TNRC6B: variants seen among roughly 807,000 people sequenced by gnomAD.
TNRC6B encodes trinucleotide repeat-containing gene 6B protein.
Under a neutral mutation model 203.6 loss-of-function variants are expected in TNRC6B, and 52 were observed. The observed-to-expected ratio is 0.26, with a 90% CI of 0.20 to 0.32. The LOEUF (loss-of-function observed/expected upper bound fraction) is 0.32, where lower values mean the gene tolerates loss of function less well. Ranked by LOEUF, TNRC6B falls within the 10% of genes least tolerant of loss-of-function variation. TNRC6B has a pLI of 1.00. For missense variants in TNRC6B, 1,923 were observed against 2,286.2 expected, an observed-to-expected ratio of 0.84 and a Z score of 3.24; for synonymous variants, 838 against 845.7, an observed-to-expected ratio of 0.99 and a Z score of 0.16.
At position 40,260,308 on chromosome 22, in the gene TNRC6B, A is replaced by T. The variant is rs139136446; in HGVS notation, c.116-1524A>T. 1.1e-4 allele frequency among the ~76,000 whole-genome samples: 17 copies of T among 152,188 alleles called. No individual in the cohort carries two copies. The East Asian group carries it at 3.3e-3, about 29-fold the overall frequency. On this transcript the variant is annotated intron_variant, in intron 3 of 22. Transcript: ENST00000454349. ...CAGGTAGCTGTAGAAACCAGAACCAAGCTGAGTTTGTGATTTTCTAGGCCT... is the reference window on the plus strand; with the variant it reads ...CAGGTAGCTGTAGAAACCAGAACCATGCTGAGTTTGTGATTTTCTAGGCCT...
rs1218031533 is a variant in TNRC6B at position 40,303,021 on chromosome 22, CCTT to C, written c.4120+1713_4120+1715del. Among the ~76,000 whole-genome samples, 972 of 140,384 alleles carry C rather than the reference CCTT, an allele frequency of 6.9e-3. 2 individuals carry two copies. Among genetic ancestry groups the C allele is most frequent in the Non-Finnish European group, 0.011 (683 of 64,242 alleles). 92.1% of individuals were successfully genotyped at this position (140,384 alleles called of 152,430 possible). On this transcript the variant is annotated intron_variant, in intron 15 of 22. Transcript: ENST00000454349. The stretch of plus-strand genomic sequence containing the variant: ...ACAAAGGTGTCCTTATGCTGTATTT[CCTT>C]CTTCTTCTTCTTCTTCTTCTTCTTT...
chr22:40,245,400 T>G (rs949237410), intron 1 of TNRC6B, among the ~76,000 whole-genome samples: 1 of 152,078 alleles, frequency 6.6e-6, no homozygotes, highest in Admixed American at 6.6e-5. Flanking sequence ...CTGGAATACA[T>G]TGATTTATAG....
At chr22:40,223,218 G>A (rs1376672400) in intron 1 of TNRC6B, among the ~76,000 whole-genome samples, 1 of 151,622 alleles carries the variant, frequency 6.6e-6, no homozygotes, top group Non-Finnish European at 1.5e-5. Flanking sequence ...TCGACTCACC[G>A]CAAACTCTGC....
intron 12 of TNRC6B, among the ~76,000 whole-genome samples, chr22:40,292,066 C>T (rs2070875497): frequency 6.6e-6 from 1 of 152,126 alleles, no homozygotes; most frequent in Non-Finnish European, 1.5e-5. Context: ...TGGTGGCAGG[C>T]GTCTGTAGTC....
At chr22:40,205,065 A>AT (rs2069462533) in intron 1 of TNRC6B, among the ~76,000 whole-genome samples, 1 of 152,202 alleles carries the variant, frequency 6.6e-6, no homozygotes, top group South Asian at 2.1e-4. Context: ...AATTTTCACA[A>AT]TGATAATCTC....
chr22:40,086,803 C>T (rs1192168910), intron 1 of TNRC6B, among the ~76,000 whole-genome samples: 1 of 152,290 alleles, frequency 6.6e-6, no homozygotes, highest in East Asian at 1.9e-4. Flanking sequence ...AGCCTTAACT[C>T]CCCTTTAAAA....
At chr22:40,092,230 C>T (rs937180328) in intron 1 of TNRC6B, among the ~76,000 whole-genome samples, 2 of 151,892 alleles carry the variant, frequency 1.3e-5, no homozygotes, top group African/African-American at 4.8e-5. Context: ...TGGAGAAACC[C>T]CATCTCTACT....
intron 21 of TNRC6B, among the ~76,000 whole-genome samples, chr22:40,318,608 A>G (rs541694634): frequency 5.1e-4 from 78 of 152,294 alleles, no homozygotes; most frequent in African/African-American, 1.9e-3. Flanking sequence ...GTTGACTGAA[A>G]TATGAAGAAT....
At chr22:40,229,087 T>A (rs951434843) in intron 1 of TNRC6B, among the ~76,000 whole-genome samples, 1 of 152,202 alleles carries the variant, frequency 6.6e-6, no homozygotes, top group South Asian at 2.1e-4. Context: ...AATTGCCTTA[T>A]AAACACATAA....
intron 12 of TNRC6B, among the ~76,000 whole-genome samples, chr22:40,294,446 G>A (rs1327030185): frequency 6.6e-6 from 1 of 152,110 alleles, no homozygotes; most frequent in African/African-American, 2.4e-5. Flanking sequence ...ACCAGTTAAT[G>A]GATTAGGGCC....
intron 4 of TNRC6B, among the ~76,000 whole-genome samples, chr22:40,171,916 A>G (rs553222893): frequency 6.6e-6 from 1 of 152,176 alleles, no homozygotes; most frequent in East Asian, 1.9e-4. Flanking sequence ...GCTGGAGTGC[A>G]GTAGCACCAT....
rs369248210 is a variant in TNRC6B, at chr22:40,102,236, C to T, written c.-120-14819C>T. Reference sequence around the variant, plus strand: ...AAAAACAAGGAGGGAGATATTGTGCCAGATACTCATGTTTGCAATTATAAA... The same window carrying T: ...AAAAACAAGGAGGGAGATATTGTGCTAGATACTCATGTTTGCAATTATAAA... On this transcript the variant is annotated intron_variant, in intron 1 of 23. Transcript: ENST00000301923. Among the ~76,000 whole-genome samples, 18 of 152,134 alleles carry T rather than the reference C, an allele frequency of 1.2e-4. 2 individuals are homozygous for T. Among genetic ancestry groups the T allele is most frequent in the Admixed American group, 9.8e-4 (15 of 15,278 alleles).
intron 7 of TNRC6B, 50 bp downstream of exon 7, chr22:40,273,650 G>C (rs756959751): frequency 1.0e-5 from 15 of 1,486,754 alleles, no homozygotes; most frequent in Non-Finnish European, 1.2e-5. Flanking sequence ...TGAGAAGGCA[G>C]AACTGAGGTT....
chr22:40,125,721 A>AT (rs1330243065), intron 2 of TNRC6B: 3 of 1,430,682 alleles, frequency 2.1e-6, no homozygotes, highest in African/African-American at 1.4e-5. Flanking sequence ...TGAAAAAAAA[A>AT]TTTTTTTGCC....
chr22:40,207,406 CA>C (rs1253967138), intron 1 of TNRC6B, among the ~76,000 whole-genome samples: 23 of 98,284 alleles, frequency 2.3e-4, no homozygotes, highest in Non-Finnish European at 3.1e-4. Context: ...GACCCTGCCT[CA>C]AAAAAAAAAA....
At chr22:40,117,031 A>T (rs2068393543) in intron 1 of TNRC6B, 1 of 152,540 alleles carries the variant, frequency 6.6e-6, no homozygotes, top group Non-Finnish European at 1.5e-5. Flanking sequence ...CATACAGTTC[A>T]TAGTGATTTT....
rs1156770914 is a variant in TNRC6B, at chr22:40,333,140, T to TAC, written c.*9899_*9900insAC. The TAC allele has an allele frequency of 6.6e-6, 1 of 152,152 alleles. No individual in the cohort carries two copies. The highest frequency in any genetic ancestry group is 1.5e-5 in the Non-Finnish European group (1 of 68,090). 9.4% of individuals were successfully genotyped at this position (152,152 alleles called of 1,614,324 possible). The stretch of plus-strand genomic sequence containing the variant: ...AGGCAGATCATCTGAGGTCAGGAGT[T>TAC]TAAGACCAGCCTGGCCAACATGGTG... On this transcript the variant is annotated 3_prime_UTR_variant, in exon 23 of 23. Transcript: ENST00000454349.
At chr22:40,200,187 C>T (rs1487460529) in intron 1 of TNRC6B, among the ~76,000 whole-genome samples, 1 of 149,146 alleles carries the variant, frequency 6.7e-6, no homozygotes, top group Non-Finnish European at 1.5e-5. Flanking sequence ...CTCAATGGTT[C>T]TGGGGAGAGA....
At chr22:40,088,273 G>A (rs756649063) in intron 1 of TNRC6B, among the ~76,000 whole-genome samples, 2 of 152,186 alleles carry the variant, frequency 1.3e-5, no homozygotes, top group Admixed American at 6.5e-5. Context: ...CTAATAGGTG[G>A]TGAAGCAGGA....
Sources: gnomAD v4.1 joint callset for allele counts (sites outside exome capture counted in the v4.1 genomes callset) on GRCh38, gnomAD v4.1.1 for gene constraint, MANE v1.5 for transcripts, NCBI Gene and HGNC (gene_info 2026-07-23, HGNC 2026-07-21) for gene names.